Variants in RPS6KC1 observed in about 807,000 individuals in gnomAD.
The protein encoded by RPS6KC1 is ribosomal protein S6 kinase C1, also known as inactive ribosomal protein S6 kinase delta-1.
In RPS6KC1, 54 loss-of-function variants were observed where a neutral mutation model predicts 103.8. That is an observed-to-expected ratio of 0.52 (90% CI 0.42 to 0.65). The LOEUF is 0.65. Among genes scored for constraint, RPS6KC1 ranks in the 30% least tolerant of loss-of-function variants. The probability of loss-of-function intolerance (pLI) is 0.00; values close to 1 mark genes in which losing one functional copy is unlikely to be tolerated. For missense variants in RPS6KC1, 1,151 were observed against 1,253.8 expected, an observed-to-expected ratio of 0.92 and a Z score of 1.24; for synonymous variants, 439 against 438.7, an observed-to-expected ratio of 1.00 and a Z score of -0.01.
intron 6 of RPS6KC1, among the ~76,000 whole-genome samples, chr1:213,158,157 A>C (rs914733521): frequency 6.6e-6 from 1 of 152,100 alleles, no homozygotes; most frequent in African/African-American, 2.4e-5. Context: ...GTTTATGTAC[A>C]CTTAATGTTT....
the RPS6KC1 span, among the ~76,000 whole-genome samples, chr1:213,427,777 A>C: frequency 6.6e-6 from 1 of 152,190 alleles, no homozygotes; most frequent in African/African-American, 2.4e-5. Context: ...TTAGCTATGA[A>C]ATCTGCTAAA....
intron 1 of RPS6KC1, among the ~76,000 whole-genome samples, chr1:213,051,892 C>T (rs2076978542): frequency 6.6e-6 from 1 of 152,156 alleles, no homozygotes; most frequent in Non-Finnish European, 1.5e-5. Context: ...TATTGTTTGG[C>T]TTATGTAATA....
At chr1:213,179,291 T>C (rs1037139021) in intron 8 of RPS6KC1, among the ~76,000 whole-genome samples, 3 of 151,552 alleles carry the variant, frequency 2.0e-5, no homozygotes, top group African/African-American at 7.3e-5. Flanking sequence ...GGTGGGCGCC[T>C]GTAATCCCAG....
chr1:213,366,052 G>C, the RPS6KC1 span, among the ~76,000 whole-genome samples: 2 of 152,320 alleles, frequency 1.3e-5, no homozygotes, highest in African/African-American at 4.8e-5. Context: ...CCTGGAGAAG[G>C]CTGGATGAGC....
At chr1:213,070,155 T>A (rs1267882983) in intron 1 of RPS6KC1, among the ~76,000 whole-genome samples, 1 of 152,156 alleles carries the variant, frequency 6.6e-6, no homozygotes, top group South Asian at 2.1e-4. Flanking sequence ...TGCTTTTTTT[T>A]AATTGAAAGT....
the RPS6KC1 span, among the ~76,000 whole-genome samples, chr1:213,550,947 G>C: frequency 6.6e-6 from 1 of 152,198 alleles, no homozygotes; most frequent in African/African-American, 2.4e-5. Context: ...TGCTAGGTTA[G>C]AGAGCTCTGC....
chr1:213,680,776 CT>C, the RPS6KC1 span, among the ~76,000 whole-genome samples: 1 of 152,026 alleles, frequency 6.6e-6, no homozygotes, highest in Non-Finnish European at 1.5e-5. Context: ...TGCTCAGGGA[CT>C]TTTTGAAGTT....
chr1:213,842,589 G>A, the RPS6KC1 span, among the ~76,000 whole-genome samples: 1 of 152,148 alleles, frequency 6.6e-6, no homozygotes, highest in Non-Finnish European at 1.5e-5. Flanking sequence ...CCTCACCAGC[G>A]TGATTCAGTT....
At chr1:213,389,422 G>A in the RPS6KC1 span, among the ~76,000 whole-genome samples, 3 of 152,214 alleles carry the variant, frequency 2.0e-5, no homozygotes, top group South Asian at 4.1e-4. Context: ...CAAATGCTTG[G>A]GCGACAGGGA....
chr1:213,578,688 G>C, the RPS6KC1 span, among the ~76,000 whole-genome samples: 1 of 150,900 alleles, frequency 6.6e-6, no homozygotes, highest in South Asian at 2.1e-4. Context: ...CTTCATTTTG[G>C]CCAATTTCTC....
the RPS6KC1 span, among the ~76,000 whole-genome samples, chr1:213,695,068 G>A: frequency 0.51 from 76,835 of 152,026 alleles, 20,158 homozygotes; most frequent in East Asian, 0.7. Flanking sequence ...TGTACGTTCC[G>A]TGAAGCCCAG....
the RPS6KC1 span, among the ~76,000 whole-genome samples, chr1:213,474,998 C>G: frequency 1.3e-5 from 2 of 152,156 alleles, no homozygotes; most frequent in Non-Finnish European, 2.9e-5. Flanking sequence ...GCATCATTAC[C>G]AAGAATGTCT....
At chr1:213,339,123 A>T in the RPS6KC1 span, among the ~76,000 whole-genome samples, 2 of 151,964 alleles carry the variant, frequency 1.3e-5, no homozygotes, top group Non-Finnish European at 2.9e-5. Flanking sequence ...AATTAGCCAG[A>T]TGTGGTGGCG....
At chr1:213,434,010 A>G in the RPS6KC1 span, among the ~76,000 whole-genome samples, 1 of 151,058 alleles carries the variant, frequency 6.6e-6, no homozygotes, top group African/African-American at 2.4e-5. Context: ...TATGTCTAAG[A>G]CATTTTTCCC....
Position 213,233,276 on chromosome 1 carries a change from A to T in RPS6KC1, c.1225+1021A>T, listed in dbSNP as rs78848142. ...GGGGCTCTGTGGTCTCTCAGGTATT[A>T]AGAGAGTTAATTGTGTGTGTGAATT... On this transcript the variant is annotated intron_variant, in intron 10 of 14. Transcript: ENST00000366960. 3.0e-4 allele frequency among the ~76,000 whole-genome samples: 46 copies of T among 152,302 alleles called. No homozygotes were observed. In the East Asian group the frequency reaches 7.5e-3, roughly 25 times the overall value.
the RPS6KC1 span, among the ~76,000 whole-genome samples, chr1:213,589,924 T>C: frequency 2.0e-5 from 3 of 148,026 alleles, no homozygotes; most frequent in Non-Finnish European, 4.4e-5. Flanking sequence ...CTTATTCTTG[T>C]GACAAAAGGT....
chr1:213,789,625 T>C, the RPS6KC1 span, among the ~76,000 whole-genome samples: 3 of 152,198 alleles, frequency 2.0e-5, no homozygotes, highest in Non-Finnish European at 2.9e-5. Context: ...TCATTCTGAC[T>C]CAGGTGATGG....
At chr1:213,512,637 G>A in the RPS6KC1 span, among the ~76,000 whole-genome samples, 1 of 152,190 alleles carries the variant, frequency 6.6e-6, no homozygotes, top group African/African-American at 2.4e-5. Flanking sequence ...TTATCTAAGT[G>A]GGAAAGGGCA....
At chr1:213,283,340 C>T in the RPS6KC1 span, among the ~76,000 whole-genome samples, 1 of 152,146 alleles carries the variant, frequency 6.6e-6, no homozygotes, top group Non-Finnish European at 1.5e-5. Context: ...CAAAAGCATG[C>T]AGAGCAACTG....
Sources: allele counts gnomAD v4.1 joint callset (sites outside exome capture counted in the v4.1 genomes callset), GRCh38; gene constraint gnomAD v4.1.1; transcripts MANE v1.5; gene names NCBI Gene and HGNC (gene_info 2026-07-23, HGNC 2026-07-21).